The following SVEP1 variants were observed in gnomAD, a reference collection of about 807,000 sequenced individuals.
The protein encoded by SVEP1 is sushi, von Willebrand factor type A, EGF and pentraxin domain-containing protein 1.
SVEP1 carries 164 observed loss-of-function variants against 367.3 expected under a neutral mutation model. That is an observed-to-expected ratio of 0.45 (90% confidence interval 0.39 to 0.51). The LOEUF (loss-of-function observed/expected upper bound fraction) is 0.51, where lower values mean the gene tolerates loss of function less well. Ranked by LOEUF, SVEP1 falls within the 20% of genes least tolerant of loss-of-function variation. SVEP1 has a pLI of 0.00. For synonymous variants in SVEP1, 1,666 were observed against 1,611.6 expected (o/e 1.03, Z -0.81); for missense variants, 4,117 against 4,425.3 (o/e 0.93, Z 1.98).
chr9:110,475,951 T>A (rs1829092014), intron 14 of SVEP1: 1 of 362,966 alleles, frequency 2.8e-6, no homozygotes, highest in African/African-American at 2.2e-5. Flanking sequence ...TTTACCAGCA[T>A]ATGTGACTTA....
intron 3 of SVEP1, among the ~76,000 whole-genome samples, chr9:110,534,573 C>A (rs1830057949): frequency 6.6e-6 from 1 of 152,118 alleles, no homozygotes; most frequent in Admixed American, 6.6e-5. Context: ...AGTGGTAGTT[C>A]TATTTTTAGC....
At chr9:110,530,500 A>G (rs1288822476) in intron 3 of SVEP1, among the ~76,000 whole-genome samples, 2 of 152,086 alleles carry the variant, frequency 1.3e-5, no homozygotes, top group African/African-American at 4.8e-5. Flanking sequence ...ATAAATTCAT[A>G]AATTGGTATT....
chr9:110,438,861 A>G (rs1828471144), intron 27 of SVEP1, among the ~76,000 whole-genome samples: 1 of 152,240 alleles, frequency 6.6e-6, no homozygotes, highest in East Asian at 1.9e-4. Flanking sequence ...ACTAAAAACA[A>G]CTTTGCCAAT....
intron 1 of SVEP1, among the ~76,000 whole-genome samples, chr9:110,566,534 A>G (rs1830496128): frequency 6.6e-6 from 1 of 152,152 alleles, no homozygotes; most frequent in South Asian, 2.1e-4. Context: ...TCAAGTAGAT[A>G]AACCAATTAC....
At chr9:110,494,013 G>A (rs539089955) in intron 8 of SVEP1, among the ~76,000 whole-genome samples, 3 of 152,184 alleles carry the variant, frequency 2.0e-5, no homozygotes, top group African/African-American at 4.8e-5. Context: ...TTATAGCATC[G>A]CTCTGTAACC....
chr9:110,471,569 AT>A lies in SVEP1; in HGVS notation c.2792del (p.Asn931MetfsTer23). The A allele has an allele frequency of 6.2e-7, 1 of 1,613,818 alleles. No individual in the cohort carries two copies. The highest frequency in any genetic ancestry group is 8.5e-7 in the Non-Finnish European group (1 of 1,179,820). ...TASVPLPDER[N>X]DTLEWENQQR... ...GCTGATTTTCCCATTCAAGGGTATC[AT>A]TTCTTTCATCGGGTAATGGCACACT... is the stretch of plus-strand genomic sequence containing the variant. On this transcript the variant is annotated frameshift_variant, in exon 16 of 48. Transcript: ENST00000374469. LOFTEE classifies it high-confidence loss of function.
intron 3 of SVEP1, among the ~76,000 whole-genome samples, chr9:110,534,509 T>G (rs1205564061): frequency 6.6e-6 from 1 of 152,210 alleles, no homozygotes; most frequent in Non-Finnish European, 1.5e-5. Flanking sequence ...GTCTTTATGG[T>G]AGACTGATTT....
intron 47 of SVEP1, among the ~76,000 whole-genome samples, chr9:110,368,179 A>C (rs928514906): frequency 6.6e-6 from 1 of 152,200 alleles, no homozygotes; most frequent in Non-Finnish European, 1.5e-5. Context: ...AGAGGTGGTG[A>C]CATGGGAGGT....
chr9:110,366,531 T>G lies in SVEP1; in HGVS notation c.*8A>C. 6.4e-7 allele frequency: 1 copy of G among 1,555,426 alleles called. No homozygotes were observed. The highest frequency in any genetic ancestry group is 8.7e-7 in the Non-Finnish European group (1 of 1,153,172). The stretch of plus-strand genomic sequence containing the variant: ...TGCTTTTGGGAGAGCCAGATGGTCG[T>G]GCAGTGGTTAAAACCCAGTCCTCCT... On this transcript the variant is annotated 3_prime_UTR_variant, in exon 48 of 48. Coordinates refer to ENST00000374469, the MANE Select transcript of SVEP1 (RefSeq NM_153366.4).
At chr9:110,385,291 T>C (rs1827503295) in intron 43 of SVEP1, among the ~76,000 whole-genome samples, 1 of 152,224 alleles carries the variant, frequency 6.6e-6, no homozygotes, top group Non-Finnish European at 1.5e-5. Flanking sequence ...GGCAGTGAGA[T>C]GTTTTAAATG....
At position 110,406,156 on chromosome 9, in the gene SVEP1, T is replaced by C; in HGVS notation, c.9440+4A>G. On this transcript the variant is annotated splice_donor_region_variant and intron_variant, in intron 38 of 47. Transcript: ENST00000374469. ...CCTTGGAGACCCTAGAGCCATGATC[T>C]TACCTGAGTTTCACTTCACTTTCAT... 1.3e-6 allele frequency: 2 copies of C among 1,552,710 alleles called. No homozygotes were observed. The highest frequency in any genetic ancestry group is 1.3e-5 in the South Asian group (1 of 79,976).
At chr9:110,530,391 G>T (rs1054594820) in intron 3 of SVEP1, among the ~76,000 whole-genome samples, 2 of 152,116 alleles carry the variant, frequency 1.3e-5, no homozygotes, top group Non-Finnish European at 1.5e-5. Flanking sequence ...ATGTCTTCAT[G>T]ACTACCCATT....
chr9:110,562,423 G>A lies in SVEP1; in HGVS notation c.532-12319C>T, dbSNP rs531588689. 2.6e-5 allele frequency among the ~76,000 whole-genome samples: 4 copies of A among 152,136 alleles called. No homozygotes were observed. The South Asian group carries it at 6.2e-4, about 24-fold the overall frequency. On this transcript the variant is annotated intron_variant, in intron 1 of 47. Coordinates refer to ENST00000374469, the MANE Select transcript of SVEP1 (RefSeq NM_153366.4). Reference sequence around the variant, plus strand: ...ATACAATATGATCAAGTAGCACTTAGCCCAAAAAATCAAAGATATTAGAGA... The same window carrying A: ...ATACAATATGATCAAGTAGCACTTAACCCAAAAAATCAAAGATATTAGAGA...
intron 32 of SVEP1, among the ~76,000 whole-genome samples, chr9:110,431,636 A>G (rs143844958): frequency 4.6e-5 from 7 of 152,232 alleles, no homozygotes; most frequent in African/African-American, 1.7e-4. Context: ...TATCCACTCT[A>G]TTATTCTTGT....
At chr9:110,440,593 AAAG>A (rs1333549563) in intron 27 of SVEP1, among the ~76,000 whole-genome samples, 1 of 152,232 alleles carries the variant, frequency 6.6e-6, no homozygotes, top group Non-Finnish European at 1.5e-5. Flanking sequence ...ATGCAGAGTC[AAAG>A]AAGAACTGAA....
intron 22 of SVEP1, among the ~76,000 whole-genome samples, chr9:110,451,917 A>G (rs1828700021): frequency 6.6e-6 from 1 of 152,224 alleles, no homozygotes; most frequent in African/African-American, 2.4e-5. Context: ...TGTTATTCAT[A>G]GCCTTTATTT....
At chr9:110,503,269 T>C in intron 5 of SVEP1, 52 bp from the exon 6 acceptor site, 1 of 1,543,734 alleles carries the variant, frequency 6.5e-7, no homozygotes. Flanking sequence ...AGGATAAAAA[T>C]AATAATTACA....
intron 40 of SVEP1, among the ~76,000 whole-genome samples, chr9:110,392,133 T>TTTTA (rs1554710906): frequency 0.013 from 1,343 of 99,614 alleles, 57 homozygotes; most frequent in African/African-American, 0.036. Context: ...CAATTCCTCA[T>TTTTA]TATATATATA....
rs1403477577 is a variant in SVEP1 at position 110,407,916 on chromosome 9, T to C, written c.7684A>G (p.Ile2562Val). The C allele has an allele frequency of 6.2e-7, 1 of 1,613,896 alleles. No individual in the cohort carries two copies. Among genetic ancestry groups the C allele is most frequent in the Non-Finnish European group, 8.5e-7 (1 of 1,179,886 alleles). Residue 2562 changes from isoleucine (I) to valine (V), a missense_variant, in exon 38 of 48, where the codon ATT becomes GTT. Physicochemically the swap from Ile to Val is conservative, Grantham distance 29 (BLOSUM62 3). This residue lies in a region of SVEP1 where 1,765 missense variants were observed against 1,781.1 expected (regional missense o/e 0.99). Transcript: ENST00000374469. The stretch of plus-strand genomic sequence containing the variant: ...GCACCTTCTACAAAACCATTTTCAA[T>C]GGGTTGTGGGGAATCACAGTGGATG... ...NAIHCDSPQP[I>V]ENGFVEGADY...
Sources: gnomAD v4.1 joint callset for allele counts (sites outside exome capture counted in the v4.1 genomes callset) on GRCh38, gnomAD v4.1.1 for gene constraint, gnomAD v4.1.1 regional missense constraint, MANE v1.5 for transcripts, NCBI Gene and HGNC (gene_info 2026-07-23, HGNC 2026-07-21) for gene names.